The following LRRC4C variants were observed in gnomAD, a reference collection of about 807,000 sequenced individuals.
LRRC4C encodes leucine-rich repeat-containing protein 4C.
In LRRC4C, 5 loss-of-function variants were observed where a neutral mutation model predicts 33.6. The ratio of observed to expected loss-of-function variants is 0.15; its 90% CI spans 0.08 to 0.31. The LOEUF (loss-of-function observed/expected upper bound fraction) is 0.31, where lower values mean the gene tolerates loss of function less well. Among genes scored for constraint, LRRC4C ranks in the 10% least tolerant of loss-of-function variants. LRRC4C has a pLI of 1.00. For synonymous variants in LRRC4C, 329 were observed against 302.0 expected (o/e 1.09, Z -0.93); for missense variants, 560 against 796.7 (o/e 0.70, Z 3.58).
chr11:40,620,623 T>A (rs1056160652), intron 3 of LRRC4C, among the ~76,000 whole-genome samples: 5 of 151,838 alleles, frequency 3.3e-5, no homozygotes, highest in Non-Finnish European at 1.5e-5. Context: ...GTGTGAATAA[T>A]TTTTTGTCAC....
Position 41,316,262 on chromosome 11 carries a change from C to CAAAAAAAAAAAAAAAAAAAAAAAA in LRRC4C, c.-496+143168_-496+143169insTTTTTTTTTTTTTTTTTTTTTTTT, listed in dbSNP as rs60671406. On this transcript the variant is annotated intron_variant, in intron 1 of 6. Transcript: ENST00000528697. ...GAAACCAGTAAAAATCTCTGGATGG[C>CAAAAAAAAAAAAAAAAAAAAAAAA]AAAAAAAAAAAAAAAAACAAAAAAA... 1.8e-4 allele frequency among the ~76,000 whole-genome samples: 14 copies of CAAAAAAAAAAAAAAAAAAAAAAAA among 78,022 alleles called. 1 individual carries two copies. The highest frequency in any genetic ancestry group is 6.3e-4 in the East Asian group (1 of 1,584). 51.2% of individuals were successfully genotyped at this position (78,022 alleles called of 152,430 possible).
At position 40,495,813 on chromosome 11, in the gene LRRC4C, GTTTTTTTTT is replaced by G. The variant is rs77683172; in HGVS notation, c.-270+152320_-270+152328del. 5.2e-4 allele frequency among the ~76,000 whole-genome samples: 35 copies of G among 67,010 alleles called. 1 individual carries two copies. The highest frequency in any genetic ancestry group is 1.3e-3 in the African/African-American group (20 of 15,812). The allele number at this position is 67,010 out of a possible 152,430, so 44.0% of individuals were successfully genotyped here. On this transcript the variant is annotated intron_variant, in intron 3 of 6. Transcript: ENST00000528697. ...TTTTATTGAAGTTCTCAATAAACAT[GTTTTTTTTT>G]TTTTTTTTTTTTTTTTTTTTTTTTT...
intron 3 of LRRC4C, among the ~76,000 whole-genome samples, chr11:40,555,011 G>A (rs1173694312): frequency 2.0e-5 from 3 of 152,026 alleles, no homozygotes; most frequent in Non-Finnish European, 2.9e-5. Context: ...GTGAGCCACC[G>A]CGCCCGGCCA....
chr11:40,464,658 G>C (rs1952566780), intron 3 of LRRC4C, among the ~76,000 whole-genome samples: 1 of 151,844 alleles, frequency 6.6e-6, no homozygotes, highest in Admixed American at 6.6e-5. Context: ...ATACAAAATT[G>C]AGTAGCATAT....
chr11:40,151,792 A>G (rs80224706), intron 5 of LRRC4C, among the ~76,000 whole-genome samples: 2 of 152,208 alleles, frequency 1.3e-5, no homozygotes, highest in East Asian at 3.8e-4. Context: ...ATTCTGTGAC[A>G]TTAGGCTATT....
At chr11:40,711,301 A>G (rs1946454201) in intron 2 of LRRC4C, among the ~76,000 whole-genome samples, 1 of 152,144 alleles carries the variant, frequency 6.6e-6, no homozygotes, top group Non-Finnish European at 1.5e-5. Flanking sequence ...TGCAGATGGG[A>G]GCTGTTCCTA....
intron 3 of LRRC4C, among the ~76,000 whole-genome samples, chr11:40,617,481 A>T (rs762887802): frequency 6.6e-6 from 1 of 151,640 alleles, no homozygotes; most frequent in Non-Finnish European, 1.5e-5. Flanking sequence ...AAATTGAATT[A>T]AATGGGTTTG....
chr11:40,626,660 C>T (rs926360260), intron 3 of LRRC4C, among the ~76,000 whole-genome samples: 4 of 152,192 alleles, frequency 2.6e-5, no homozygotes, highest in African/African-American at 9.7e-5. Flanking sequence ...GGTCCTAAAA[C>T]TTTGTTCAGC....
chr11:40,436,972 C>G (rs1023369660), intron 3 of LRRC4C, among the ~76,000 whole-genome samples: 1 of 152,090 alleles, frequency 6.6e-6, no homozygotes, highest in East Asian at 1.9e-4. Flanking sequence ...AGTTCGAGCT[C>G]GGGGGAGGAT....
chr11:41,319,797 T>C (rs1427564725), intron 1 of LRRC4C, among the ~76,000 whole-genome samples: 1 of 152,152 alleles, frequency 6.6e-6, no homozygotes, highest in Non-Finnish European at 1.5e-5. Context: ...GGGATCTGCC[T>C]GCCTCAGCCT....
At chr11:40,730,185 TG>T (rs1947490317) in intron 2 of LRRC4C, among the ~76,000 whole-genome samples, 1 of 152,096 alleles carries the variant, frequency 6.6e-6, no homozygotes, top group South Asian at 2.1e-4. Flanking sequence ...CGCACCAGCA[TG>T]GCACATGTAT....
chr11:40,578,126 G>T (rs4756601), intron 3 of LRRC4C, among the ~76,000 whole-genome samples: 94,627 of 94,842 alleles, frequency 1, 47,206 homozygotes, highest in African/African-American at 1. Flanking sequence ...GATATTATTG[G>T]ACTTTTTTTT....
At chr11:40,983,874 G>T (rs1395367407) in intron 1 of LRRC4C, among the ~76,000 whole-genome samples, 1 of 152,136 alleles carries the variant, frequency 6.6e-6, no homozygotes. Flanking sequence ...TTCTATTTCA[G>T]TTCTTCCCAA....
chr11:40,821,521 T>A (rs1951927372), intron 2 of LRRC4C, among the ~76,000 whole-genome samples: 1 of 151,562 alleles, frequency 6.6e-6, no homozygotes. Context: ...TTTTCTTTAA[T>A]AAATTTATAT....
At chr11:40,608,860 C>A (rs1360901624) in intron 3 of LRRC4C, among the ~76,000 whole-genome samples, 7 of 152,044 alleles carry the variant, frequency 4.6e-5, no homozygotes, top group Non-Finnish European at 7.4e-5. Context: ...ATAAAAGGAC[C>A]AGTTCATTAG....
At chr11:41,212,438 T>A (rs982304743) in intron 1 of LRRC4C, among the ~76,000 whole-genome samples, 8 of 152,240 alleles carry the variant, frequency 5.3e-5, no homozygotes, top group African/African-American at 1.9e-4. Context: ...AGTTCAGGGG[T>A]ACATGTGCAT....
intron 3 of LRRC4C, among the ~76,000 whole-genome samples, chr11:40,328,140 A>G (rs1946184868): frequency 6.6e-6 from 1 of 152,126 alleles, no homozygotes; most frequent in African/African-American, 2.4e-5. Context: ...TTTATACCCA[A>G]ACTTGATATT....
intron 2 of LRRC4C, among the ~76,000 whole-genome samples, chr11:40,871,761 A>C (rs571407914): frequency 6.6e-6 from 1 of 152,256 alleles, no homozygotes; most frequent in Non-Finnish European, 1.5e-5. Context: ...CCCAAACATA[A>C]AATGAGTCAC....
In LRRC4C at chr11:40,114,746, A is replaced by C. The variant is rs1295723667; in HGVS notation, c.1547T>G (p.Ile516Ser). The change falls in exon 7 of 7, where the codon ATC (isoleucine) becomes AGC (serine). Residue 516 changes from isoleucine (I) to serine (S), a missense_variant. Around this residue, in one of 3 missense-constraint regions of LRRC4C, gnomAD observed 455 missense variants for 643.8 expected, o/e 0.71. Coordinates refer to ENST00000528697, the MANE Select transcript of LRRC4C (RefSeq NM_001258419.2). Reference sequence around the variant, plus strand: ...CTTCATGACCTCATCAATTCCTGGGATCCCACTGTTTATATCAGTCACTGG... The same window carrying C: ...CTTCATGACCTCATCAATTCCTGGGCTCCCACTGTTTATATCAGTCACTGG... ...TIPVTDINSGIPGIDEVMKTT... is the reference protein window; with the variant it reads ...TIPVTDINSGSPGIDEVMKTT... 1 of 1,614,000 alleles carries C rather than the reference A, an allele frequency of 6.2e-7. No homozygotes were observed. The highest frequency in any genetic ancestry group is 8.5e-7 in the Non-Finnish European group (1 of 1,180,022).
Sources: allele counts gnomAD v4.1 joint callset (sites outside exome capture counted in the v4.1 genomes callset), GRCh38; gene constraint gnomAD v4.1.1; regional missense constraint gnomAD v4.1.1; transcripts MANE v1.5; gene names NCBI Gene and HGNC (gene_info 2026-07-23, HGNC 2026-07-21).